Variants in NBPF15 observed in about 807,000 individuals in gnomAD.
NBPF15 encodes NBPF member 15.
NBPF15 carries 74 observed loss-of-function variants against 62.2 expected under a neutral mutation model. The observed-to-expected ratio is 1.19, with a 90% CI of 0.99 to 1.44. NBPF15 has a LOEUF of 1.44. Among genes scored for constraint, NBPF15 ranks in the 40% most tolerant of loss-of-function variants. The pLI is 0.00. For missense variants in NBPF15, 790 were observed against 550.0 expected (o/e 1.44, Z -4.36); for synonymous variants, 244 against 209.7 (o/e 1.16, Z -1.41).
intron 10 of NBPF15, among the ~76,000 whole-genome samples, chr1:144,436,307 G>A (rs1239371955): frequency 2.7e-4 from 41 of 152,022 alleles, no homozygotes; most frequent in Non-Finnish European, 4.9e-4. Flanking sequence ...TGTTATTCAG[G>A]GACATTCTAT....
intron 1 of NBPF15, among the ~76,000 whole-genome samples, 163 bp downstream of exon 1, chr1:144,461,218 G>T (rs1317988341): frequency 6.6e-6 from 1 of 152,018 alleles, no homozygotes; most frequent in Non-Finnish European, 1.5e-5. Context: ...GGCTGCGGGC[G>T]GCAGCGGCAA....
chr1:144,456,982 C>T (rs1648364086), intron 3 of NBPF15, among the ~76,000 whole-genome samples, 177 bp from the exon 4 acceptor site: 1 of 150,284 alleles, frequency 6.7e-6, no homozygotes, highest in Admixed American at 6.6e-5. Flanking sequence ...TCCTCACCAG[C>T]CTCGGCAACA....
intron 12 of NBPF15, among the ~76,000 whole-genome samples, chr1:144,434,783 G>A: frequency 6.6e-6 from 1 of 151,988 alleles, no homozygotes; most frequent in Non-Finnish European, 1.5e-5. Context: ...AAACTCCATG[G>A]GCATTGTTCA....
At chr1:144,443,134 T>C (rs1211987250) in intron 6 of NBPF15, 3 of 153,908 alleles carry the variant, frequency 1.9e-5, no homozygotes, top group Non-Finnish European at 4.4e-5. Flanking sequence ...CCACATGGGC[T>C]GGGGGCCAGG....
chr1:144,450,581 T>A (rs1553545238), intron 5 of NBPF15, among the ~76,000 whole-genome samples, 191 bp downstream of exon 5: 1 of 150,516 alleles, frequency 6.6e-6, no homozygotes, highest in Non-Finnish European at 1.5e-5. Context: ...CCCGGCCACT[T>A]CATTCCAGAC....
chr1:144,425,079 C>CAA (rs1316622589), intron 19 of NBPF15, among the ~76,000 whole-genome samples: 270 of 145,618 alleles, frequency 1.9e-3, no homozygotes, highest in African/African-American at 6.7e-3. Context: ...CACACACACA[C>CAA]ACACACACAC....
chr1:144,431,449 T>C (rs1397750828), intron 13 of NBPF15, among the ~76,000 whole-genome samples: 3 of 148,830 alleles, frequency 2.0e-5, no homozygotes, highest in African/African-American at 7.7e-5. Flanking sequence ...TATGTATAGT[T>C]TTCCTTTATT....
intron 6 of NBPF15, among the ~76,000 whole-genome samples, chr1:144,446,081 C>T (rs1687340605): frequency 6.6e-6 from 1 of 151,014 alleles, no homozygotes; most frequent in Admixed American, 6.6e-5. Context: ...TCTCCATCTC[C>T]TGACCTCATG....
intron 6 of NBPF15, among the ~76,000 whole-genome samples, chr1:144,442,455 G>A (rs1233389176): frequency 6.8e-6 from 1 of 147,342 alleles, no homozygotes; most frequent in African/African-American, 2.5e-5. Context: ...AAGTGGCGGA[G>A]CGAGGGCTAC....
intron 6 of NBPF15, among the ~76,000 whole-genome samples, chr1:144,444,028 T>A (rs1553543381): frequency 6.6e-6 from 1 of 151,994 alleles, no homozygotes; most frequent in East Asian, 1.9e-4. Context: ...CTTTCATGCA[T>A]CAATGTAATT....
Position 144,450,767 on chromosome 1 carries a change from C to G in NBPF15, c.-333+5G>C, listed in dbSNP as rs1553545305. On this transcript the variant is annotated splice_donor_5th_base_variant and intron_variant, in intron 5 of 21. Transcript: ENST00000581897. ...AAAGAACTACAGTAAAAATATTGCC[C>G]TCACCTTTATGTGGCTGTTCCAGAG... 1.4e-6 allele frequency: 1 copy of G among 705,792 alleles called. No homozygotes were observed. Among genetic ancestry groups the G allele is most frequent in the Non-Finnish European group, 1.7e-6 (1 of 575,922 alleles). The allele number at this position is 705,792 out of a possible 1,614,324, so 43.7% of individuals were successfully genotyped here.
chr1:144,432,766 T>C (rs1456483862), intron 13 of NBPF15, among the ~76,000 whole-genome samples: 1 of 152,078 alleles, frequency 6.6e-6, no homozygotes, highest in Non-Finnish European at 1.5e-5. Flanking sequence ...CTATCCTAAA[T>C]ATATATGCAC....
chr1:144,444,822 G>T (rs1212337671), intron 6 of NBPF15, among the ~76,000 whole-genome samples: 1 of 151,922 alleles, frequency 6.6e-6, no homozygotes, highest in African/African-American at 2.4e-5. Context: ...AGAAATAGCA[G>T]CCCGCCCCTC....
chr1:144,422,770 T>C lies in NBPF15; in HGVS notation c.*243A>G. 2.2e-6 allele frequency: 2 copies of C among 926,496 alleles called. No individual in the cohort carries two copies. Among genetic ancestry groups the C allele is most frequent in the South Asian group, 1.8e-5 (1 of 57,126 alleles). The allele number at this position is 926,496 out of a possible 1,614,324, so 57.4% of individuals were successfully genotyped here. A position where few individuals can be genotyped will look rare whatever the true frequency, so the allele number is the denominator to read the frequency against. On this transcript the variant is annotated 3_prime_UTR_variant, in exon 22 of 22. Transcript: ENST00000581897. ...GAGATACGTGGTTCAAATTAAAATG[T>C]CTGACTGATCACTCCCGGCATGTTC...
rs782648318 is a variant in NBPF15 at position 144,423,107 on chromosome 1, A to G, written c.1919T>C (p.Ile640Thr). Residue 640 changes from isoleucine (I) to threonine (T), a missense_variant, in exon 22 of 22, where the codon ATC becomes ACC. Ile to Thr is a moderately conservative substitution (Grantham distance 89, BLOSUM62 -1). Coordinates refer to ENST00000581897, the MANE Select transcript of NBPF15 (RefSeq NM_001385408.1). ...SVFYSFEEEH[I>T]SFALYVDNRF... Reference sequence around the variant, plus strand: ...ATTGTCCACGTAAAGGGCGAAGCTGATATGCTCTTCCTCAAATGAGTAAAA... The same window carrying G: ...ATTGTCCACGTAAAGGGCGAAGCTGGTATGCTCTTCCTCAAATGAGTAAAA... 1.2e-5 allele frequency: 20 copies of G among 1,611,644 alleles called. No homozygotes were observed. Among genetic ancestry groups the G allele is most frequent in the Non-Finnish European group, 1.6e-5 (19 of 1,179,640 alleles).
chr1:144,457,569 C>A (rs1553547352), intron 3 of NBPF15, among the ~76,000 whole-genome samples: 1 of 152,000 alleles, frequency 6.6e-6, no homozygotes, highest in South Asian at 2.1e-4. Flanking sequence ...TTCATTCATT[C>A]CTTTAACAAA....
At position 144,424,015 on chromosome 1, in the gene NBPF15, T is replaced by C. The variant is rs782816605; in HGVS notation, c.1664-40A>G. The C allele has an allele frequency of 9.4e-5, 72 of 763,014 alleles. 2 individuals carry two copies. Among genetic ancestry groups the C allele is most frequent in the South Asian group, 8.1e-4 (60 of 74,406 alleles). The allele number at this position is 763,014 out of a possible 1,614,324, so 47.3% of individuals were successfully genotyped here. ...GACATGGACAGACACATTAAGCTGA[T>C]TCCCCTACACATATAACAATCCACT... On this transcript the variant is annotated intron_variant, in intron 20 of 21. Coordinates refer to ENST00000581897, the MANE Select transcript of NBPF15 (RefSeq NM_001385408.1).
At chr1:144,443,346 A>T (rs1228682360) in intron 6 of NBPF15, among the ~76,000 whole-genome samples, 1 of 152,012 alleles carries the variant, frequency 6.6e-6, no homozygotes, top group African/African-American at 2.4e-5. Context: ...CTACTGTTTT[A>T]AAATTACTGT....
In NBPF15 at chr1:144,438,019, T is replaced by C. The variant is rs1277584753; in HGVS notation, c.204A>G (p.Lys68=). The change falls in exon 9 of 22, where the codon AAA becomes AAG. Residue 68 remains lysine, a synonymous_variant. Coordinates refer to ENST00000581897, the MANE Select transcript of NBPF15 (RefSeq NM_001385408.1). ...ACTGTCGCTCATTCCTCAGCATAAA[T>C]TTTATGAGATCTTTGCACTCTTCAT... ...YKYEECKDLI[K]FMLRNERQFK... The C allele has an allele frequency of 7.4e-6, 12 of 1,611,602 alleles. No homozygotes were observed. The highest frequency in any genetic ancestry group is 1.0e-5 in the Non-Finnish European group (12 of 1,179,784).
Sources: allele counts gnomAD v4.1 joint callset (sites outside exome capture counted in the v4.1 genomes callset), GRCh38; gene constraint gnomAD v4.1.1; transcripts MANE v1.5; gene names NCBI Gene and HGNC (gene_info 2026-07-23, HGNC 2026-07-21).